Variants in SLC4A4 observed in about 807,000 individuals in gnomAD.
SLC4A4 encodes solute carrier family 4 member 4, also known as electrogenic sodium bicarbonate cotransporter 1.
SLC4A4 carries 27 observed loss-of-function variants against 111.5 expected under a neutral mutation model. The ratio of observed to expected loss-of-function variants is 0.24; its 90% CI spans 0.18 to 0.33. The LOEUF is 0.33. Among genes scored for constraint, SLC4A4 ranks in the 10% least tolerant of loss-of-function variants. The pLI is 1.00. For missense variants in SLC4A4, 909 were observed against 1,315.5 expected (o/e 0.69, Z 4.78); for synonymous variants, 443 against 463.4 (o/e 0.96, Z 0.57).
At chr4:71,388,255 G>A (rs188293091) in intron 6 of SLC4A4, among the ~76,000 whole-genome samples, 25 of 152,264 alleles carry the variant, frequency 1.6e-4, no homozygotes, top group East Asian at 9.7e-4. Context: ...GTGTGTGCGT[G>A]TGTGGGTATG....
intron 4 of SLC4A4, 52 bp downstream of exon 4, chr4:71,339,557 G>A: frequency 1.3e-6 from 2 of 1,580,964 alleles, no homozygotes; most frequent in Non-Finnish European, 1.7e-6. Flanking sequence ...CAAGGGCAGG[G>A]CAAGATGCTT....
intron 15 of SLC4A4, among the ~76,000 whole-genome samples, chr4:71,493,377 A>G (rs1008450480): frequency 3.9e-5 from 6 of 152,032 alleles, no homozygotes; most frequent in African/African-American, 1.4e-4. Context: ...CCAGATAAAA[A>G]GAGTAGATAA....
chr4:71,556,391 A>G (rs530818589), intron 21 of SLC4A4, among the ~76,000 whole-genome samples: 67 of 152,122 alleles, frequency 4.4e-4, no homozygotes, highest in South Asian at 8.3e-4. Flanking sequence ...AATGTGAAAC[A>G]GAAATGGCCC....
At chr4:71,415,133 A>G (rs1288091183) in intron 7 of SLC4A4, among the ~76,000 whole-genome samples, 1 of 152,256 alleles carries the variant, frequency 6.6e-6, no homozygotes, top group Non-Finnish European at 1.5e-5. Flanking sequence ...GCTAAAATGC[A>G]TGCAACTATA....
At chr4:71,372,846 G>GT (rs796832515) in intron 6 of SLC4A4, among the ~76,000 whole-genome samples, 3,639 of 140,978 alleles carry the variant, frequency 0.026, 100 homozygotes, top group African/African-American at 0.067. Context: ...TGTTTTCTTT[G>GT]TTTTTTTTTT....
intron 16 of SLC4A4, among the ~76,000 whole-genome samples, chr4:71,505,511 G>A (rs545313174): frequency 6.6e-6 from 1 of 151,728 alleles, no homozygotes; most frequent in South Asian, 2.1e-4. Context: ...TTTGAGAAGT[G>A]TCTTTTCATG....
intron 2 of SLC4A4, among the ~76,000 whole-genome samples, chr4:71,110,876 T>C (rs1371239974): frequency 1.3e-5 from 2 of 152,176 alleles, no homozygotes; most frequent in African/African-American, 4.8e-5. Flanking sequence ...AATAAAGATG[T>C]TTACCTACAT....
chr4:71,070,758 A>C (rs577516532), intron 1 of SLC4A4, among the ~76,000 whole-genome samples: 1 of 152,364 alleles, frequency 6.6e-6, no homozygotes, highest in African/African-American at 2.4e-5. Flanking sequence ...TTTACATCAG[A>C]GAATGAGTGA....
intron 1 of SLC4A4, among the ~76,000 whole-genome samples, chr4:71,234,669 C>T (rs1719679396): frequency 6.6e-6 from 1 of 152,050 alleles, no homozygotes; most frequent in Non-Finnish European, 1.5e-5. Context: ...AAGTGATCTG[C>T]CTGCCTTGGC....
intron 7 of SLC4A4, among the ~76,000 whole-genome samples, chr4:71,414,411 G>A (rs989346721): frequency 2.6e-5 from 4 of 152,214 alleles, no homozygotes; most frequent in Non-Finnish European, 5.9e-5. Context: ...GCAATGGAAA[G>A]TGTTTTTTCC....
At chr4:71,281,674 G>A (rs1300670266) in intron 3 of SLC4A4, among the ~76,000 whole-genome samples, 1 of 152,168 alleles carries the variant, frequency 6.6e-6, no homozygotes, top group Non-Finnish European at 1.5e-5. Flanking sequence ...TAAGTGTAAC[G>A]TGTTAGGGAA....
chr4:71,323,597 G>T (rs1240126915), intron 3 of SLC4A4, among the ~76,000 whole-genome samples: 1 of 151,992 alleles, frequency 6.6e-6, no homozygotes, highest in Non-Finnish European at 1.5e-5. Flanking sequence ...GTGAATGGAT[G>T]GGGTTGCATG....
chr4:71,528,283 C>CA (rs1343581677), intron 16 of SLC4A4, among the ~76,000 whole-genome samples: 2 of 151,946 alleles, frequency 1.3e-5, no homozygotes, highest in African/African-American at 4.8e-5. Flanking sequence ...ATGTTAATGC[C>CA]ATCTTTAGAG....
At chr4:71,205,999 A>G (rs1717740067) in intron 1 of SLC4A4, among the ~76,000 whole-genome samples, 1 of 152,198 alleles carries the variant, frequency 6.6e-6, no homozygotes, top group African/African-American at 2.4e-5. Context: ...GAGTGCTTTG[A>G]TAGCCTTTTT....
chr4:71,221,055 T>C lies in SLC4A4; in HGVS notation c.-1-15521T>C, dbSNP rs1012594708. On this transcript the variant is annotated intron_variant, in intron 1 of 25. Coordinates refer to ENST00000264485, the MANE Select transcript of SLC4A4 (RefSeq NM_001098484.3). ...TCCTGCAAAATACATGATCTTGTTCTTTTTCATGGCTGCATAGCATTCCAT... is the reference window on the plus strand; with the variant it reads ...TCCTGCAAAATACATGATCTTGTTCCTTTTCATGGCTGCATAGCATTCCAT... Among the ~76,000 whole-genome samples the C allele has an allele frequency of 2.6e-5, 4 of 152,244 alleles. No individual in the cohort carries two copies. In the South Asian group the frequency reaches 8.3e-4, roughly 32 times the overall value.
chr4:71,250,471 G>T (rs1001724963), intron 2 of SLC4A4, among the ~76,000 whole-genome samples: 6 of 152,156 alleles, frequency 3.9e-5, no homozygotes, highest in African/African-American at 1.4e-4. Flanking sequence ...ATGGTGGGAG[G>T]TGGGGAAAGG....
rs1394132949 is a variant in SLC4A4 at position 71,465,824 on chromosome 4, ATAGT to A, written c.1498-617_1498-614del. Among the ~76,000 whole-genome samples, 3 of 152,090 alleles carry A rather than the reference ATAGT, an allele frequency of 2.0e-5. No homozygotes were observed. In the East Asian group the frequency reaches 5.8e-4, roughly 29 times the overall value. ...TCCAGCACATATATTTTCTCTAGAA[ATAGT>A]TAATTGAAGCTCTTCTATAAGTTTA... On this transcript the variant is annotated intron_variant, in intron 12 of 25. Coordinates refer to ENST00000264485, the MANE Select transcript of SLC4A4 (RefSeq NM_001098484.3).
intron 1 of SLC4A4, among the ~76,000 whole-genome samples, chr4:71,069,887 G>GC (rs1051126860): frequency 1.3e-5 from 2 of 151,294 alleles, no homozygotes. Context: ...AATAAAATTA[G>GC]TTTTTTTTTA....
At chr4:71,211,739 C>T (rs905418341) in intron 1 of SLC4A4, among the ~76,000 whole-genome samples, 1 of 149,876 alleles carries the variant, frequency 6.7e-6, no homozygotes, top group African/African-American at 2.5e-5. Flanking sequence ...TGAGAGTAAA[C>T]ACATTAGTAA....
Sources: allele counts gnomAD v4.1 joint callset (sites outside exome capture counted in the v4.1 genomes callset), GRCh38; gene constraint gnomAD v4.1.1; transcripts MANE v1.5; gene names NCBI Gene and HGNC (gene_info 2026-07-23, HGNC 2026-07-21).